Variants in CELF2 observed in about 807,000 individuals in gnomAD.
The protein encoded by CELF2 is CUGBP Elav-like family member 2.
A neutral mutation model predicts 62.6 loss-of-function variants in CELF2; 8 were observed. The ratio of observed to expected loss-of-function variants is 0.13; its 90% CI spans 0.07 to 0.23. The LOEUF is 0.23. Among genes scored for constraint, CELF2 ranks in the 10% least tolerant of loss-of-function variants. The pLI is 1.00. For synonymous variants in CELF2, 258 were observed against 250.0 expected (o/e 1.03, Z -0.30); for missense variants, 333 against 671.0 (o/e 0.50, Z 5.56).
chr10:10,730,009 T>A, the CELF2 span, among the ~76,000 whole-genome samples: 4 of 152,318 alleles, frequency 2.6e-5, no homozygotes, highest in South Asian at 4.1e-4. Context: ...TCAATGCACT[T>A]TATACATCTT....
At chr10:10,874,067 T>C (rs1444359009) in intron 1 of CELF2, among the ~76,000 whole-genome samples, 1 of 152,224 alleles carries the variant, frequency 6.6e-6, no homozygotes, top group East Asian at 1.9e-4. Flanking sequence ...TCCCAGCACT[T>C]TGGGAGGCAG....
At chr10:10,888,158 T>C (rs2061886196) in intron 1 of CELF2, among the ~76,000 whole-genome samples, 1 of 152,216 alleles carries the variant, frequency 6.6e-6, no homozygotes, top group South Asian at 2.1e-4. Context: ...ATGGATGACA[T>C]AGCAAATGAT....
rs1053705382 is a variant in CELF2, at chr10:11,159,142, T to C, written c.75-6344T>C. 6.6e-6 allele frequency among the ~76,000 whole-genome samples: 1 copy of C among 152,252 alleles called. No homozygotes were observed. The highest frequency in any genetic ancestry group is 2.4e-5 in the African/African-American group (1 of 41,472). On this transcript the variant is annotated intron_variant, in intron 1 of 12. Coordinates refer to ENST00000633077, the MANE Select transcript of CELF2 (RefSeq NM_001326342.2). This position sits in a 1 kb window ranked among gnomAD's most constrained non-coding sequence, Gnocchi z 5.0. ...AGAGATGGTTTGGGGCCTCATTCCATAATTTATGTGGCAGTGACTCAAAAG... is the reference window on the plus strand; with the variant it reads ...AGAGATGGTTTGGGGCCTCATTCCACAATTTATGTGGCAGTGACTCAAAAG...
chr10:10,925,142 C>T (rs1036088397), intron 2 of CELF2: 2 of 152,138 alleles, frequency 1.3e-5, no homozygotes, highest in African/African-American at 4.8e-5. Context: ...GAAACATAAC[C>T]TCCTATTTCT....
the CELF2 span, among the ~76,000 whole-genome samples, chr10:10,582,890 G>A: frequency 6.6e-6 from 1 of 152,176 alleles, no homozygotes; most frequent in Non-Finnish European, 1.5e-5. Context: ...AATTTAGAAA[G>A]AAGGAAGTGA....
rs749149612 is a variant in CELF2 at position 10,972,610 on chromosome 10, T to C, written c.89+52611T>C. 5.3e-5 allele frequency among the ~76,000 whole-genome samples: 8 copies of C among 152,206 alleles called. No individual in the cohort carries two copies. Among genetic ancestry groups the C allele is most frequent in the Non-Finnish European group, 4.4e-5 (3 of 68,036 alleles). ...GGTTCAACCGTCTTCTACATATTGATGATTCTCAGTCCCGGTCTCCATGAC... is the reference window on the plus strand; with the variant it reads ...GGTTCAACCGTCTTCTACATATTGACGATTCTCAGTCCCGGTCTCCATGAC... On this transcript the variant is annotated intron_variant, in intron 2 of 13. Coordinates refer to the CELF2 transcript ENST00000636488. This position sits in a 1 kb window ranked among gnomAD's most constrained non-coding sequence, Gnocchi z 4.4.
At position 11,244,779 on chromosome 10, in the gene CELF2, A is replaced by G. The variant is rs2075109713; in HGVS notation, c.355-4374A>G. ...TATTTTCTCTTATTCTGTGCCTCCA[A>G]ATAAATTGTTCTTTTCCCTGAAATG... On this transcript the variant is annotated intron_variant, in intron 3 of 12. Transcript: ENST00000633077. This position sits in a 1 kb window ranked among gnomAD's most constrained non-coding sequence, Gnocchi z 4.2. Among the ~76,000 whole-genome samples, 1 of 152,146 alleles carries G rather than the reference A, an allele frequency of 6.6e-6. No homozygotes were observed. The highest frequency in any genetic ancestry group is 1.5e-5 in the Non-Finnish European group (1 of 68,038).
chr10:10,733,184 AAGTAG>A, the CELF2 span, among the ~76,000 whole-genome samples: 228 of 152,158 alleles, frequency 1.5e-3, no homozygotes, highest in African/African-American at 5.1e-3. Flanking sequence ...CTGTGTAGAC[AAGTAG>A]AGTCTACACC....
chr10:11,253,801 C>T (rs985039931), intron 4 of CELF2, among the ~76,000 whole-genome samples: 1 of 152,106 alleles, frequency 6.6e-6, no homozygotes, highest in African/African-American at 2.4e-5. Context: ...CTGTGGTCGT[C>T]GTTACTAATC....
chr10:10,768,122 C>G, the CELF2 span, among the ~76,000 whole-genome samples: 2 of 150,504 alleles, frequency 1.3e-5, no homozygotes, highest in African/African-American at 4.9e-5. Context: ...GCTGAGACCA[C>G]GCCACTGCAC....
chr10:10,480,571 A>G, the CELF2 span, among the ~76,000 whole-genome samples: 15 of 152,182 alleles, frequency 9.9e-5, no homozygotes, highest in African/African-American at 3.6e-4. Flanking sequence ...ATTTTCACAA[A>G]TTTCCTAAGT....
rs1201027028 is a variant in CELF2 at position 11,220,193 on chromosome 10, G to C, written c.354+2686G>C. ...TCACTTGCTGCCTTTTTTCTAAAGTGTCCAAAACTTTCGATTTAAAACAAG... is the reference window on the plus strand; with the variant it reads ...TCACTTGCTGCCTTTTTTCTAAAGTCTCCAAAACTTTCGATTTAAAACAAG... On this transcript the variant is annotated intron_variant, in intron 3 of 12. Coordinates refer to ENST00000633077, the MANE Select transcript of CELF2 (RefSeq NM_001326342.2). This position sits in a 1 kb window ranked among gnomAD's most constrained non-coding sequence, Gnocchi z 4.4. 1.3e-5 allele frequency among the ~76,000 whole-genome samples: 2 copies of C among 152,142 alleles called. No homozygotes were observed. Among genetic ancestry groups the C allele is most frequent in the Admixed American group, 1.3e-4 (2 of 15,270 alleles).
intron 2 of CELF2, among the ~76,000 whole-genome samples, chr10:11,166,952 T>C (rs1238888586): frequency 1.3e-5 from 2 of 152,250 alleles, no homozygotes; most frequent in African/African-American, 4.8e-5. Flanking sequence ...AGTACTCGTT[T>C]TAGAAAGGTG....
In CELF2 at chr10:11,332,284, CTTGAGGGGTTTT is replaced by C. The variant is rs1408549245; in HGVS notation, c.*3232_*3243del. On this transcript the variant is annotated 3_prime_UTR_variant, in exon 13 of 13. Transcript: ENST00000633077. ...AAACGACTTTGTGGCAGGACAGTCT[CTTGAGGGGTTTT>C]GTTTCTGTTTCCTAAATACTCCTAA... 2.6e-5 allele frequency: 4 copies of C among 152,192 alleles called. No individual in the cohort carries two copies. Among genetic ancestry groups the C allele is most frequent in the Admixed American group, 2.6e-4 (4 of 15,284 alleles). The allele number at this position is 152,192 out of a possible 1,614,324, so 9.4% of individuals were successfully genotyped here.
the CELF2 span, among the ~76,000 whole-genome samples, chr10:10,761,137 G>C: frequency 6.6e-6 from 1 of 152,144 alleles, no homozygotes; most frequent in Admixed American, 6.5e-5. Context: ...AGTAACAGCA[G>C]AAATTAAAAG....
At chr10:10,723,118 G>C in the CELF2 span, among the ~76,000 whole-genome samples, 5 of 152,248 alleles carry the variant, frequency 3.3e-5, no homozygotes, top group South Asian at 2.1e-4. Context: ...AAGGATTTTT[G>C]AACCAGCTGT....
intron 2 of CELF2, among the ~76,000 whole-genome samples, chr10:10,930,665 G>A (rs957604533): frequency 2.6e-5 from 4 of 152,140 alleles, no homozygotes; most frequent in African/African-American, 4.8e-5. Flanking sequence ...TGGTTTCCAC[G>A]TAAGATACAA....
chr10:10,547,664 C>T, the CELF2 span, among the ~76,000 whole-genome samples: 1 of 130,878 alleles, frequency 7.6e-6, no homozygotes, highest in Non-Finnish European at 1.6e-5. Flanking sequence ...TCTTACAACA[C>T]CAAAAAGATA....
At chr10:10,772,217 G>A in the CELF2 span, among the ~76,000 whole-genome samples, 1 of 152,096 alleles carries the variant, frequency 6.6e-6, no homozygotes, top group Admixed American at 6.6e-5. Context: ...TTTTAGTAAA[G>A]AGTTTGGAAA....
Sources: gnomAD v4.1 joint callset for allele counts (sites outside exome capture counted in the v4.1 genomes callset) on GRCh38, gnomAD v4.1.1 for gene constraint, Gnocchi (gnomAD v3.1) non-coding constraint, MANE v1.5 for transcripts, NCBI Gene and HGNC (gene_info 2026-07-23, HGNC 2026-07-21) for gene names.